The following CD302 variants were observed in gnomAD, a reference collection of about 807,000 sequenced individuals.
CD302 encodes the protein CD302 antigen.
In CD302, 23 loss-of-function variants were observed where a neutral mutation model predicts 26.5. The ratio of observed to expected loss-of-function variants is 0.87; its 90% CI spans 0.62 to 1.23. The LOEUF is 1.23. Ranked by LOEUF, CD302 falls within the 50% of genes most tolerant of loss-of-function variation. CD302 has a pLI of 0.00. For synonymous variants in CD302, 90 were observed against 99.4 expected, an observed-to-expected ratio of 0.91 and a Z score of 0.56; for missense variants, 290 against 275.5, an observed-to-expected ratio of 1.05 and a Z score of -0.37.
intron 5 of CD302, among the ~76,000 whole-genome samples, chr2:159,773,900 C>T (rs1235585557): frequency 6.6e-6 from 1 of 152,038 alleles, no homozygotes; most frequent in East Asian, 1.9e-4. Context: ...ACTTTTTAGC[C>T]TAACAATGTT....
intron 1 of CD302, among the ~76,000 whole-genome samples, chr2:159,794,097 C>CAA (rs549235973): frequency 9.4e-6 from 1 of 106,934 alleles, no homozygotes. Context: ...CCCACCTCTA[C>CAA]AAAAAAAAAA....
chr2:159,780,002 T>TA lies in CD302; in HGVS notation c.469+2dup. ...ATGGAAAAACACCTTCGGTCATACTTACTAGCTGTTTTGCATAGTGTTCCT... is the reference window on the plus strand; with the variant it reads ...ATGGAAAAACACCTTCGGTCATACTTAACTAGCTGTTTTGCATAGTGTTCCT... On this transcript the variant is annotated splice_region_variant and intron_variant, in intron 4 of 5. Coordinates refer to ENST00000259053, the MANE Select transcript of CD302 (RefSeq NM_014880.5). 1 of 1,611,996 alleles carries TA rather than the reference T, an allele frequency of 6.2e-7. No individual in the cohort carries two copies. The highest frequency in any genetic ancestry group is 8.5e-7 in the Non-Finnish European group (1 of 1,178,832).
Position 159,770,891 on chromosome 2 carries a change from T to TTATC in CD302, c.*956_*959dup, listed in dbSNP as rs925761011. 4 of 152,154 alleles carry TTATC rather than the reference T, an allele frequency of 2.6e-5. No individual in the cohort carries two copies. The highest frequency in any genetic ancestry group is 7.2e-5 in the African/African-American group (3 of 41,438). The allele number at this position is 152,154 out of a possible 1,614,324, so 9.4% of individuals were successfully genotyped here. ...AATTTACGTGAAATTTATACATTCT[T>TTATC]TATCTTTCCTGTTTTTGGTTTATTG... On this transcript the variant is annotated 3_prime_UTR_variant, in exon 6 of 6. Coordinates refer to ENST00000259053, the MANE Select transcript of CD302 (RefSeq NM_014880.5).
chr2:159,782,593 C>T (rs988271201), intron 2 of CD302, among the ~76,000 whole-genome samples: 7 of 151,644 alleles, frequency 4.6e-5, no homozygotes, highest in South Asian at 4.2e-4. Context: ...AAATAGCTAG[C>T]GCACGCCTGT....
intron 5 of CD302, among the ~76,000 whole-genome samples, chr2:159,772,941 A>G (rs542249892): frequency 5.9e-5 from 9 of 152,282 alleles, no homozygotes; most frequent in East Asian, 3.9e-4. Context: ...CAAGTGAACT[A>G]TCTTTTTAAT....
chr2:159,779,925 C>G (rs751387027), intron 4 of CD302, 80 bp downstream of exon 4: 292 of 1,503,484 alleles, frequency 1.9e-4, no homozygotes, highest in Non-Finnish European at 2.5e-4. Flanking sequence ...TTGAGGCACA[C>G]TTATCTCAAA....
In CD302 at chr2:159,769,583, T is replaced by C. The variant is rs1046973978; in HGVS notation, c.*2268A>G. 5.3e-5 allele frequency: 8 copies of C among 151,992 alleles called. No individual in the cohort carries two copies. The East Asian group carries it at 1.4e-3, about 26-fold the overall frequency. The allele number at this position is 151,992 out of a possible 1,614,324, so 9.4% of individuals were successfully genotyped here. ...TGCTTGAAAACCTGCAAGGCGGAGA[T>C]TGGAGAGAGCCAAGATCGAGCCACT... On this transcript the variant is annotated 3_prime_UTR_variant, in exon 6 of 6. Coordinates refer to ENST00000259053, the MANE Select transcript of CD302 (RefSeq NM_014880.5).
chr2:159,796,699 T>C (rs1472397088), intron 1 of CD302, among the ~76,000 whole-genome samples: 1 of 152,220 alleles, frequency 6.6e-6, no homozygotes, highest in Non-Finnish European at 1.5e-5. Flanking sequence ...ACTGGACTTA[T>C]CAAAGGAAAT....
chr2:159,794,200 G>A (rs1018655280), intron 1 of CD302, among the ~76,000 whole-genome samples: 2 of 151,160 alleles, frequency 1.3e-5, no homozygotes, highest in Non-Finnish European at 2.9e-5. Flanking sequence ...AGCAGGTCAA[G>A]GCTGTAGTGA....
intron 1 of CD302, among the ~76,000 whole-genome samples, chr2:159,793,254 T>A (rs992729096): frequency 2.0e-5 from 3 of 152,144 alleles, no homozygotes; most frequent in Non-Finnish European, 4.4e-5. Flanking sequence ...AGGAGCCTCA[T>A]GAATATTTTA....
chr2:159,774,453 A>G (rs3771719), intron 5 of CD302, among the ~76,000 whole-genome samples: 52,084 of 152,074 alleles, frequency 0.34, 9,139 homozygotes, highest in South Asian at 0.44. Flanking sequence ...CGAACTATAC[A>G]TAATCCACCT....
chr2:159,791,432 G>T (rs1708804167), intron 1 of CD302, among the ~76,000 whole-genome samples: 1 of 152,128 alleles, frequency 6.6e-6, no homozygotes, highest in South Asian at 2.1e-4. Flanking sequence ...AAGAACTATG[G>T]GTAGTCATTC....
intron 2 of CD302, among the ~76,000 whole-genome samples, chr2:159,781,753 T>G (rs1226596603): frequency 6.6e-6 from 1 of 152,216 alleles, no homozygotes; most frequent in African/African-American, 2.4e-5. Context: ...ATGTTGGAAA[T>G]TTCGTCTTGT....
intron 1 of CD302, among the ~76,000 whole-genome samples, chr2:159,793,022 T>C (rs922606674): frequency 5.3e-5 from 8 of 152,244 alleles, no homozygotes; most frequent in African/African-American, 9.6e-5. Flanking sequence ...TTGACGTTCA[T>C]GCACCTCATG....
chr2:159,776,655 T>C lies in CD302; in HGVS notation c.496+1283A>G, dbSNP rs150049046. Among the ~76,000 whole-genome samples the C allele has an allele frequency of 2.8e-3, 424 of 152,056 alleles. No homozygotes were observed. The Middle Eastern group carries it at 0.044, about 16-fold the overall frequency. On this transcript the variant is annotated intron_variant, in intron 5 of 5. Coordinates refer to ENST00000259053, the MANE Select transcript of CD302 (RefSeq NM_014880.5). ...CTCCTCCTCTGTCATAGTTCTATCG[T>C]AGTAACCCCCAAATAGAAAACTGGC...
Position 159,798,206 on chromosome 2 carries a change from G to A in CD302, c.-8C>T, listed in dbSNP as rs1682536089. ...CAGCGCGGCCCGGAGCATGACGGCG[G>A]GTGCGGGTGGGCGGCAGCGGCTGCG... On this transcript the variant is annotated 5_prime_UTR_variant, in exon 1 of 6. Coordinates refer to ENST00000259053, the MANE Select transcript of CD302 (RefSeq NM_014880.5). 2.1e-6 allele frequency: 3 copies of A among 1,420,858 alleles called. No homozygotes were observed. Among genetic ancestry groups the A allele is most frequent in the African/African-American group, 3.0e-5 (2 of 66,864 alleles). The allele number at this position is 1,420,858 out of a possible 1,614,324, so 88.0% of individuals were successfully genotyped here.
Position 159,771,823 on chromosome 2 carries a change from G to C in CD302, c.*28C>G. On this transcript the variant is annotated 3_prime_UTR_variant, in exon 6 of 6. Coordinates refer to ENST00000259053, the MANE Select transcript of CD302 (RefSeq NM_014880.5). ...GTTATCTCTGCCAGGGCATTTTGTT[G>C]ATGTCTTAGTGCAAGATTACCAAAA... The C allele has an allele frequency of 6.2e-7, 1 of 1,608,386 alleles. No homozygotes were observed. The highest frequency in any genetic ancestry group is 8.5e-7 in the Non-Finnish European group (1 of 1,175,818).
intron 1 of CD302, 37 bp downstream of exon 1, chr2:159,798,095 G>A: frequency 2.7e-6 from 4 of 1,490,018 alleles, no homozygotes; most frequent in East Asian, 2.9e-5. Context: ...GAAGGCGGTC[G>A]CGCACGGTCC....
chr2:159,772,092 G>T (rs62175194), intron 5 of CD302, 39 bp from the exon 6 acceptor site: 33,559 of 1,596,944 alleles, frequency 0.021, 467 homozygotes, highest in Middle Eastern at 0.03. Flanking sequence ...GGGAAATTAG[G>T]GTACACAAGT....
Sources: gnomAD v4.1 joint callset for allele counts (sites outside exome capture counted in the v4.1 genomes callset) on GRCh38, gnomAD v4.1.1 for gene constraint, MANE v1.5 for transcripts, NCBI Gene and HGNC (gene_info 2026-07-23, HGNC 2026-07-21) for gene names.